The following EIF4E3 variants were observed in gnomAD, a reference collection of about 807,000 sequenced individuals.
The protein encoded by EIF4E3 is eukaryotic translation initiation factor 4E type 3.
In EIF4E3, 26 loss-of-function variants were observed where a neutral mutation model predicts 31.7. The ratio of observed to expected loss-of-function variants is 0.82; its 90% CI spans 0.60 to 1.14. The LOEUF is 1.14. EIF4E3 is among the 50% of genes most tolerant of loss of function. The pLI is 0.00. For missense variants in EIF4E3, 304 were observed against 270.9 expected (o/e 1.12, Z -0.86); for synonymous variants, 128 against 107.7 (o/e 1.19, Z -1.17).
rs1281409803 is a variant in EIF4E3, at chr3:71,677,201, T to C, written c.*7481A>G. The C allele has an allele frequency of 2.0e-5, 3 of 152,206 alleles. No individual in the cohort carries two copies. Among genetic ancestry groups the C allele is most frequent in the Admixed American group, 1.3e-4 (2 of 15,278 alleles). The allele number at this position is 152,206 out of a possible 1,614,324, so 9.4% of individuals were successfully genotyped here. A position where few individuals can be genotyped will look rare whatever the true frequency, so the allele number is the denominator to read the frequency against. On this transcript the variant is annotated 3_prime_UTR_variant, in exon 7 of 7. Coordinates refer to ENST00000425534, the MANE Select transcript of EIF4E3 (RefSeq NM_001134651.2). ...AAATAAGCTAGTCAGCACCACAGCC[T>C]AGCCAGATGATGGGAAATAGAAACA...
intron 6 of EIF4E3, among the ~76,000 whole-genome samples, chr3:71,687,523 C>T (rs748183924): frequency 9.2e-5 from 14 of 152,058 alleles, no homozygotes; most frequent in Non-Finnish European, 1.6e-4. Context: ...AACAGGAGAG[C>T]GGAGAGGGTA....
chr3:71,707,085 T>C (rs2049304266), intron 2 of EIF4E3, among the ~76,000 whole-genome samples: 1 of 152,220 alleles, frequency 6.6e-6, no homozygotes, highest in South Asian at 2.1e-4. Context: ...CAGTGGTATA[T>C]AGTTTCCTGA....
chr3:71,676,135 C>T lies in EIF4E3; in HGVS notation c.*8547G>A, dbSNP rs760549898. On this transcript the variant is annotated 3_prime_UTR_variant, in exon 7 of 7. Transcript: ENST00000425534. The stretch of plus-strand genomic sequence containing the variant: ...TAAATTCTGCCCAGTTACTAACTTA[C>T]GGGGGTATCAATTGCTTATAGTGTG... 1.4e-4 allele frequency: 21 copies of T among 152,150 alleles called. 2 individuals are homozygous for T. Among genetic ancestry groups the T allele is most frequent in the Admixed American group, 9.2e-4 (14 of 15,278 alleles). The allele number at this position is 152,150 out of a possible 1,614,324, so 9.4% of individuals were successfully genotyped here.
At chr3:71,697,680 T>A (rs1169096751) in intron 3 of EIF4E3, among the ~76,000 whole-genome samples, 2 of 152,110 alleles carry the variant, frequency 1.3e-5, no homozygotes, top group Admixed American at 1.3e-4. Flanking sequence ...TCTTTCCATG[T>A]CTGGTTTATC....
intron 1 of EIF4E3, among the ~76,000 whole-genome samples, chr3:71,731,092 G>A (rs1027483958): frequency 6.6e-6 from 1 of 152,158 alleles, no homozygotes; most frequent in Non-Finnish European, 1.5e-5. Context: ...AGCCAAGCAT[G>A]GCCTGGAGGA....
chr3:71,738,978 G>GTATATATACATATA (rs2049792291), intron 1 of EIF4E3, among the ~76,000 whole-genome samples: 1 of 95,818 alleles, frequency 1.0e-5, no homozygotes, highest in Non-Finnish European at 2.0e-5. Flanking sequence ...AAATTGAACA[G>GTATATATACATATA]TATATATATA....
chr3:71,749,528 T>C (rs535708307), intron 1 of EIF4E3, among the ~76,000 whole-genome samples: 4 of 152,344 alleles, frequency 2.6e-5, no homozygotes, highest in Non-Finnish European at 2.9e-5. Flanking sequence ...GCCAGAAGCC[T>C]GAGGTTAAAC....
the EIF4E3 span, among the ~76,000 whole-genome samples, chr3:71,669,207 G>A: frequency 6.6e-6 from 1 of 150,992 alleles, no homozygotes; most frequent in Non-Finnish European, 1.5e-5. Flanking sequence ...GAGAACATAT[G>A]GGCAGGGCAC....
rs763730519 is a variant in EIF4E3, at chr3:71,690,181, GAA to G, written c.473-18_473-17del. ...ACTTCATCATCTGAGGGGAAGACAG[GAA>G]AAAAAAAAAATGAGTGATACTTCCA... On this transcript the variant is annotated splice_polypyrimidine_tract_variant and intron_variant, in intron 5 of 6. Coordinates refer to ENST00000425534, the MANE Select transcript of EIF4E3 (RefSeq NM_001134651.2). 2.1e-4 allele frequency: 256 copies of G among 1,223,266 alleles called. No homozygotes were observed. The highest frequency in any genetic ancestry group is 6.4e-4 in the South Asian group (41 of 64,414). The allele number at this position is 1,223,266 out of a possible 1,614,324, so 75.8% of individuals were successfully genotyped here.
chr3:71,709,517 C>T (rs1216931348), intron 2 of EIF4E3, among the ~76,000 whole-genome samples: 1 of 152,098 alleles, frequency 6.6e-6, no homozygotes, highest in African/African-American at 2.4e-5. Flanking sequence ...GTAGCTGGGA[C>T]CACAGATGTG....
At chr3:71,700,073 T>C (rs903198589) in intron 2 of EIF4E3, among the ~76,000 whole-genome samples, 2 of 151,634 alleles carry the variant, frequency 1.3e-5, no homozygotes, top group Non-Finnish European at 2.9e-5. Flanking sequence ...ACCTAGGAGG[T>C]TGAGGTGGGA....
intron 1 of EIF4E3, among the ~76,000 whole-genome samples, chr3:71,752,366 A>G (rs1222005497): frequency 6.6e-6 from 1 of 152,212 alleles, no homozygotes; most frequent in African/African-American, 2.4e-5. Context: ...ATGTTCCTGG[A>G]GCACACCTAG....
intron 3 of EIF4E3, among the ~76,000 whole-genome samples, chr3:71,696,882 A>T (rs2049145616): frequency 6.6e-6 from 1 of 151,314 alleles, no homozygotes. Context: ...AGTCCAGCTA[A>T]ATTTTTTTTG....
At chr3:71,671,680 C>T (rs1158897568), downstream of EIF4E3, among the ~76,000 whole-genome samples, 1 of 152,114 alleles carries the variant, frequency 6.6e-6, no homozygotes, top group African/African-American at 2.4e-5. Flanking sequence ...TGCGTGGAAG[C>T]AGATCCCACA....
intron 3 of EIF4E3, 152 bp downstream of exon 3, chr3:71,699,462 G>A: frequency 1.4e-6 from 1 of 702,602 alleles, no homozygotes; most frequent in East Asian, 2.5e-5. Flanking sequence ...TAAAGAAGGA[G>A]GACACTTACC....
chr3:71,735,827 A>C, intron 1 of EIF4E3, among the ~76,000 whole-genome samples: 1 of 152,108 alleles, frequency 6.6e-6, no homozygotes, highest in East Asian at 1.9e-4. Flanking sequence ...TGAGAAGAAA[A>C]CATTTTCATG....
In EIF4E3 at chr3:71,740,533, C is replaced by T. The variant is rs537499224; in HGVS notation, c.-290-11910G>A. 4.6e-5 allele frequency among the ~76,000 whole-genome samples: 7 copies of T among 152,202 alleles called. No homozygotes were observed. The South Asian group carries it at 6.2e-4, about 14-fold the overall frequency. Reference sequence around the variant, plus strand: ...TGGATCGTTTGAGTCCAGGAGTTTGCGACCAGCCTGGGCAACATGGCAAAA... The same window carrying T: ...TGGATCGTTTGAGTCCAGGAGTTTGTGACCAGCCTGGGCAACATGGCAAAA... On this transcript the variant is annotated intron_variant, in intron 1 of 7. Coordinates refer to the EIF4E3 transcript ENST00000295612.
downstream of EIF4E3, among the ~76,000 whole-genome samples, chr3:71,671,140 G>A (rs376058605): frequency 1.3e-5 from 2 of 152,126 alleles, no homozygotes; most frequent in Non-Finnish European, 2.9e-5. Context: ...ACTTACAATG[G>A]CCATACACAC....
At chr3:71,725,839 G>A (rs2049631625), upstream of EIF4E3, among the ~76,000 whole-genome samples, 1 of 152,158 alleles carries the variant, frequency 6.6e-6, no homozygotes, top group Non-Finnish European at 1.5e-5. The surrounding 1 kb of genome is among the most constrained non-coding windows in gnomAD (Gnocchi z 6.1). Flanking sequence ...GAGGGAAGGA[G>A]GGATGGACAG....
Sources: gnomAD v4.1 joint callset for allele counts (sites outside exome capture counted in the v4.1 genomes callset) on GRCh38, gnomAD v4.1.1 for gene constraint, Gnocchi (gnomAD v3.1) non-coding constraint, MANE v1.5 for transcripts, NCBI Gene and HGNC (gene_info 2026-07-23, HGNC 2026-07-21) for gene names.